ODAD2: variants seen among roughly 807,000 people sequenced by gnomAD.
The protein encoded by ODAD2 is outer dynein arm docking complex subunit 2, also known as outer dynein arm-docking complex subunit 2.
Under a neutral mutation model 106.8 loss-of-function variants are expected in ODAD2, and 89 were observed. The ratio of observed to expected loss-of-function variants is 0.83; its 90% confidence interval spans 0.70 to 0.99. The LOEUF (loss-of-function observed/expected upper bound fraction) is 0.99, where lower values mean the gene tolerates loss of function less well. ODAD2 is among the 50% of genes least tolerant of loss of function. The pLI is 0.00. For missense variants in ODAD2, 1,168 were observed against 1,238.5 expected, an observed-to-expected ratio of 0.94 and a Z score of 0.85; for synonymous variants, 404 against 436.2, an observed-to-expected ratio of 0.93 and a Z score of 0.92.
chr10:27,992,728 T>C (rs1274621971), intron 2 of ODAD2, among the ~76,000 whole-genome samples: 1 of 151,908 alleles, frequency 6.6e-6, no homozygotes, highest in East Asian at 1.9e-4. Flanking sequence ...GATATAAGAA[T>C]GGAAATAAGG....
chr10:27,950,303 A>G (rs1847240092), intron 10 of ODAD2, among the ~76,000 whole-genome samples: 1 of 152,202 alleles, frequency 6.6e-6, no homozygotes, highest in African/African-American at 2.4e-5. Flanking sequence ...GTACAAAGTG[A>G]GTGCTCACAG....
In ODAD2 at chr10:27,936,715, C is replaced by A. The variant is rs1180873439; in HGVS notation, c.2252+11G>T. ...TATCTTCATTTCAGAATATTGAGAG[C>A]CTTCTCTTACTTGGTAACATTCTCT... On this transcript the variant is annotated intron_variant, in intron 15 of 19. Coordinates refer to ENST00000305242, the MANE Select transcript of ODAD2 (RefSeq NM_018076.5). 2.5e-6 allele frequency: 4 copies of A among 1,613,652 alleles called. No individual in the cohort carries two copies. Among genetic ancestry groups the A allele is most frequent in the Non-Finnish European group, 3.4e-6 (4 of 1,179,758 alleles).
In ODAD2 at chr10:27,886,973, T is replaced by C. The variant is rs757462822; in HGVS notation, c.2610+20690A>G. On this transcript the variant is annotated intron_variant, in intron 17 of 19. Transcript: ENST00000305242. ...GAAGAAAATGAGGAATAAAAGGCTA[T>C]AAAACATACAGAAAACAAAGCACAA... Among the ~76,000 whole-genome samples the C allele has an allele frequency of 9.2e-5, 14 of 151,982 alleles. No individual in the cohort carries two copies. The South Asian group carries it at 2.5e-3, about 27-fold the overall frequency.
At chr10:27,952,593 T>C (rs1301804480) in intron 10 of ODAD2, among the ~76,000 whole-genome samples, 2 of 152,148 alleles carry the variant, frequency 1.3e-5, no homozygotes, top group East Asian at 1.9e-4. Context: ...TTACCCTCCC[T>C]GTGTCCATGT....
At chr10:27,819,574 TAAAAAAAAAAAAAAA>T (rs56031733) in intron 19 of ODAD2, among the ~76,000 whole-genome samples, 2 of 74,014 alleles carry the variant, frequency 2.7e-5, no homozygotes, top group Admixed American at 1.6e-4. Context: ...CCCTGTCTCT[TAAAAAAAAAAAAAAA>T]AAAAAAAAAA....
At chr10:27,907,847 C>G in intron 16 of ODAD2, 70 bp from the exon 17 acceptor site, 1 of 1,021,250 alleles carries the variant, frequency 9.8e-7, no homozygotes, top group Non-Finnish European at 1.5e-6. Flanking sequence ...TAATGACCCA[C>G]TTATTTAATT....
intron 15 of ODAD2, 72 bp from the exon 16 acceptor site, chr10:27,935,324 C>T: frequency 6.5e-7 from 1 of 1,545,282 alleles, no homozygotes; most frequent in Non-Finnish European, 8.9e-7. Context: ...AATGTTCATT[C>T]AATCCTTACA....
In ODAD2 at chr10:27,907,677, T is replaced by C. The variant is rs752989295; in HGVS notation, c.2596A>G (p.Ile866Val). 2 of 1,613,048 alleles carry C rather than the reference T, an allele frequency of 1.2e-6. No individual in the cohort carries two copies. Among genetic ancestry groups the C allele is most frequent in the Non-Finnish European group, 1.7e-6 (2 of 1,179,134 alleles). ...ASAAWALCPC[I>V]KNAKDAGEMV... ...TCCGTTCTTACCTTTGCATTTTTGA[T>C]GCATGGACAGAGTGCCCATGCTGCG... The change falls in exon 17 of 20, where the codon ATC (isoleucine) becomes GTC (valine). Residue 866 changes from isoleucine to valine, a missense_variant. By Grantham distance (29) the Ile-to-Val change is conservative. Coordinates refer to ENST00000305242, the MANE Select transcript of ODAD2 (RefSeq NM_018076.5).
At chr10:27,912,118 T>TG (rs1290749898) in intron 16 of ODAD2, among the ~76,000 whole-genome samples, 2 of 152,226 alleles carry the variant, frequency 1.3e-5, no homozygotes, top group African/African-American at 4.8e-5. Context: ...TACACACTGA[T>TG]GGGCTTATAG....
In ODAD2 at chr10:27,924,008, A is replaced by AAGAAAGAAAGAAAGAAAGGG. The variant is rs1564509255; in HGVS notation, c.2495+11001_2495+11002insCCCTTTCTTTCTTTCTTTCT. On this transcript the variant is annotated intron_variant, in intron 16 of 19. Coordinates refer to ENST00000305242, the MANE Select transcript of ODAD2 (RefSeq NM_018076.5). Reference sequence around the variant, plus strand: ...AAAGAAAGAAAGAAAGAAAGAAAGAAAGAAAGAAAGAAAGAAGGAAAGAGA... The same window carrying AAGAAAGAAAGAAAGAAAGGG: ...AAAGAAAGAAAGAAAGAAAGAAAGAAAGAAAGAAAGAAAGAAAGGGAGAAAGAAAGAAAGAAGGAAAGAGA... Among the ~76,000 whole-genome samples the AAGAAAGAAAGAAAGAAAGGG allele has an allele frequency of 1.6e-4, 17 of 104,248 alleles. 1 individual carries two copies. Among genetic ancestry groups the AAGAAAGAAAGAAAGAAAGGG allele is most frequent in the African/African-American group, 4.5e-4 (11 of 24,256 alleles). 68.4% of individuals were successfully genotyped at this position (104,248 alleles called of 152,430 possible).
chr10:27,854,427 T>G (rs955013952), intron 19 of ODAD2, among the ~76,000 whole-genome samples: 1 of 152,194 alleles, frequency 6.6e-6, no homozygotes, highest in African/African-American at 2.4e-5. Context: ...CAGCTTTATT[T>G]GTAACAACCC....
At chr10:27,951,144 G>A (rs549396289) in intron 10 of ODAD2, among the ~76,000 whole-genome samples, 1 of 152,274 alleles carries the variant, frequency 6.6e-6, no homozygotes, top group Non-Finnish European at 1.5e-5. Flanking sequence ...GTCATACCAT[G>A]TGCCTGAACT....
chr10:27,891,636 T>C (rs1217109400), intron 17 of ODAD2, among the ~76,000 whole-genome samples: 2 of 152,062 alleles, frequency 1.3e-5, no homozygotes, highest in East Asian at 1.9e-4. Flanking sequence ...TATTACTTCT[T>C]ATGAAAATGC....
chr10:27,948,263 GT>G (rs1411079219), intron 10 of ODAD2, among the ~76,000 whole-genome samples: 2 of 151,828 alleles, frequency 1.3e-5, no homozygotes, highest in Non-Finnish European at 2.9e-5. Context: ...TTTTAGAACA[GT>G]TTTATATTAG....
chr10:27,924,523 T>C (rs1305833460), intron 16 of ODAD2, among the ~76,000 whole-genome samples: 1 of 103,428 alleles, frequency 9.7e-6, no homozygotes, highest in African/African-American at 3.6e-5. Flanking sequence ...TGGTAGAAAA[T>C]AAAAGAACAG....
intron 9 of ODAD2, among the ~76,000 whole-genome samples, chr10:27,967,443 C>A (rs1231474954): frequency 6.6e-6 from 1 of 152,230 alleles, no homozygotes; most frequent in Non-Finnish European, 1.5e-5. Flanking sequence ...CATGAACTCC[C>A]ACTACCCTCC....
At chr10:27,815,960 C>T (rs929141383) in intron 19 of ODAD2, among the ~76,000 whole-genome samples, 4 of 152,152 alleles carry the variant, frequency 2.6e-5, no homozygotes, top group African/African-American at 9.7e-5. Flanking sequence ...TCTATATAAA[C>T]ATGAATCTCT....
intron 16 of ODAD2, among the ~76,000 whole-genome samples, chr10:27,918,005 A>C (rs576269620): frequency 1.6e-3 from 239 of 152,140 alleles, no homozygotes; most frequent in Non-Finnish European, 2.4e-3. Flanking sequence ...ATCTTTAAAT[A>C]AATTGAATTT....
Position 27,832,655 on chromosome 10 carries a change from C to T in ODAD2, c.3022-20030G>A, listed in dbSNP as rs1589775863. Among the ~76,000 whole-genome samples the T allele has an allele frequency of 3.3e-5, 5 of 152,166 alleles. No individual in the cohort carries two copies. In the East Asian group the frequency reaches 9.6e-4, roughly 29 times the overall value. ...TTTGGTGTTACTGGTTAGCACATTT[C>T]ATGAATTACCAGAGCACACGTGACC... On this transcript the variant is annotated intron_variant, in intron 19 of 19. Transcript: ENST00000305242.
Sources: allele counts gnomAD v4.1 joint callset (sites outside exome capture counted in the v4.1 genomes callset), GRCh38; gene constraint gnomAD v4.1.1; transcripts MANE v1.5; gene names NCBI Gene and HGNC (gene_info 2026-07-23, HGNC 2026-07-21).